The following NBPF11 variants were observed in gnomAD, a reference collection of about 807,000 sequenced individuals.
The protein encoded by NBPF11 is NBPF member 11.
In NBPF11, 72 loss-of-function variants were observed where a neutral mutation model predicts 93.9. The ratio of observed to expected loss-of-function variants is 0.77; its 90% CI spans 0.63 to 0.93. The LOEUF (loss-of-function observed/expected upper bound fraction) is 0.93. NBPF11 is among the 40% of genes least tolerant of loss of function. The pLI is 0.00. For synonymous variants in NBPF11, 224 were observed against 304.9 expected (o/e 0.73, Z 2.76); for missense variants, 705 against 802.2 (o/e 0.88, Z 1.46).
intron 4 of NBPF11, among the ~76,000 whole-genome samples, chr1:148,130,936 T>A (rs1252638769): frequency 1.2e-4 from 18 of 151,950 alleles, no homozygotes; most frequent in Admixed American, 9.2e-4. Flanking sequence ...AATTTTAAAA[T>A]CCATCTGTAA....
intron 4 of NBPF11, among the ~76,000 whole-genome samples, chr1:148,134,684 C>T (rs1418480160): frequency 4.6e-5 from 7 of 151,410 alleles, no homozygotes; most frequent in Non-Finnish European, 4.4e-5. Context: ...TATAAAGGGC[C>T]AGTTTATTTC....
rs1353000836 is a variant in NBPF11, at chr1:148,116,209, T to C, written c.1380-211A>G. Among the ~76,000 whole-genome samples the C allele has an allele frequency of 3.7e-3, 562 of 152,072 alleles. 8 individuals carry two copies. The highest frequency in any genetic ancestry group is 0.013 in the African/African-American group (536 of 41,342). ...CCAGAGAGGAAGAGAGCAGCTGCTGTTCATTGCACTGGACAGATAGGAGCT... is the reference window on the plus strand; with the variant it reads ...CCAGAGAGGAAGAGAGCAGCTGCTGCTCATTGCACTGGACAGATAGGAGCT... On this transcript the variant is annotated intron_variant, in intron 13 of 23. Transcript: ENST00000682118.
At chr1:148,122,836 A>T in intron 7 of NBPF11, 35 bp from the exon 8 acceptor site, 1 of 1,609,274 alleles carries the variant, frequency 6.2e-7, no homozygotes, top group East Asian at 2.2e-5. Context: ...GATATTTCCC[A>T]CTTCACATTC....
rs1209700840 is a variant in NBPF11 at position 148,103,705 on chromosome 1, G to A, written c.*191C>T. ...ATATGACTCCCATCTGGAAGACCAG[G>A]TGGAGACTTCTCACCGTCAAAGTAA... On this transcript the variant is annotated 3_prime_UTR_variant, in exon 24 of 24. Coordinates refer to ENST00000682118, the MANE Select transcript of NBPF11 (RefSeq NM_001385469.3). 12 of 1,611,228 alleles carry A rather than the reference G, an allele frequency of 7.4e-6. No homozygotes were observed. In the African/African-American group the frequency reaches 9.4e-5, roughly 13 times the overall value.
Position 148,103,916 on chromosome 1 carries a change from G to A in NBPF11, c.2582-4C>T, listed in dbSNP as rs1369015857. On this transcript the variant is annotated splice_region_variant and splice_polypyrimidine_tract_variant and intron_variant, in intron 23 of 23. Coordinates refer to ENST00000682118, the MANE Select transcript of NBPF11 (RefSeq NM_001385469.3). ...TTCCATCAGCACGCTGCTGAGCCTG[G>A]AAAAGGAGACAAAACTAAAGAAGCA... The A allele has an allele frequency of 3.2e-4, 508 of 1,610,852 alleles. 9 individuals carry two copies. Among genetic ancestry groups the A allele is most frequent in the Middle Eastern group, 1.1e-3 (5 of 4,430 alleles).
In NBPF11 at chr1:148,116,140, T is replaced by G. The variant is rs1197207279; in HGVS notation, c.1380-142A>C. 8.0e-5 allele frequency: 84 copies of G among 1,054,132 alleles called. No individual in the cohort carries two copies. In the East Asian group the frequency reaches 2.1e-3, roughly 26 times the overall value. 65.3% of individuals were successfully genotyped at this position (1,054,132 alleles called of 1,614,324 possible). ...TGGACGTTCCCATTAAGAGGGAACA[T>G]GCAATCCTGTTCTGTCTGCAACAGA... On this transcript the variant is annotated intron_variant, in intron 13 of 23. Coordinates refer to ENST00000682118, the MANE Select transcript of NBPF11 (RefSeq NM_001385469.3).
In NBPF11 at chr1:148,123,967, G is replaced by C. The variant is rs1668493257; in HGVS notation, c.379C>G (p.Leu127Val). ...TCATCCGGAGTGAGGAGGGCCTGGA[G>C]ATGCTCATTCAATGAGCGGGAGGCA... ...RDASRSLNEH[L>V]QALLTPDEPD... Residue 127 changes from leucine to valine, a missense_variant, in exon 7 of 24, where the codon CTC (leucine) becomes GTC (valine). Coordinates refer to ENST00000682118, the MANE Select transcript of NBPF11 (RefSeq NM_001385469.3). The C allele has an allele frequency of 1.3e-6, 2 of 1,548,004 alleles. No individual in the cohort carries two copies. The highest frequency in any genetic ancestry group is 1.7e-5 in the Admixed American group (1 of 59,928).
chr1:148,113,149 G>T (rs1185090810), intron 15 of NBPF11, among the ~76,000 whole-genome samples: 42 of 152,124 alleles, frequency 2.8e-4, no homozygotes, highest in Non-Finnish European at 4.6e-4. Flanking sequence ...GGGGCTAAAT[G>T]CCCCAGTTAA....
intron 7 of NBPF11, among the ~76,000 whole-genome samples, chr1:148,123,169 C>G (rs1553271977): frequency 1.3e-5 from 2 of 151,976 alleles, no homozygotes; most frequent in African/African-American, 4.8e-5. Context: ...CTCATTCATT[C>G]TCTTAGGAGA....
At chr1:148,114,360 C>A in intron 15 of NBPF11, 77 bp downstream of exon 15, 4 of 582,714 alleles carry the variant, frequency 6.9e-6, no homozygotes, top group Non-Finnish European at 1.2e-5. Flanking sequence ...TTCTATTCAT[C>A]ACTTCCTCAT....
chr1:148,146,679 C>T (rs1305624608), intron 1 of NBPF11: 4 of 1,611,710 alleles, frequency 2.5e-6, no homozygotes, highest in East Asian at 2.2e-5. Context: ...AGAGCGCCCG[C>T]GGCAACCGTG....
chr1:148,149,091 G>C (rs1348618168), intron 1 of NBPF11: 17 of 1,399,128 alleles, frequency 1.2e-5, no homozygotes, highest in Non-Finnish European at 1.2e-5. Flanking sequence ...GCTGGGCCCG[G>C]GGACGCCCGC....
chr1:148,133,635 A>G (rs1670797649), intron 4 of NBPF11, among the ~76,000 whole-genome samples: 1 of 151,958 alleles, frequency 6.6e-6, no homozygotes, highest in Non-Finnish European at 1.5e-5. Context: ...ATAAAATGAT[A>G]TTTTTTAAAT....
At chr1:148,120,227 T>C (rs1317952378) in intron 10 of NBPF11, among the ~76,000 whole-genome samples, 6 of 152,106 alleles carry the variant, frequency 3.9e-5, no homozygotes, top group Admixed American at 6.5e-5. Flanking sequence ...ATTGAGCCTC[T>C]TGGAGAAAAC....
chr1:148,145,885 G>GA (rs1215883177), intron 1 of NBPF11, among the ~76,000 whole-genome samples: 2 of 150,016 alleles, frequency 1.3e-5, no homozygotes, highest in Non-Finnish European at 3.0e-5. Context: ...GTCTCAAAAA[G>GA]AAAAAAAATT....
At chr1:148,120,412 T>C (rs1667554110) in intron 10 of NBPF11, 89 bp downstream of exon 10, 1 of 777,866 alleles carries the variant, frequency 1.3e-6, no homozygotes, top group South Asian at 1.4e-5. Context: ...GAGGATGACA[T>C]TATTTTTGAT....
chr1:148,149,236 G>C (rs1278278313), intron 1 of NBPF11: 1 of 1,577,850 alleles, frequency 6.3e-7, no homozygotes, highest in Admixed American at 1.7e-5. Context: ...ACCTGGCCTC[G>C]CGCTACGAGT....
At chr1:148,149,353 G>T in intron 1 of NBPF11, 5 of 1,597,024 alleles carry the variant, frequency 3.1e-6, no homozygotes. Context: ...TCGAGAAGGT[G>T]TCCAAGATCA....
At position 148,108,415 on chromosome 1, in the gene NBPF11, C is replaced by T. The variant is rs1664318102; in HGVS notation, c.2026+67G>A. The stretch of plus-strand genomic sequence containing the variant: ...CTCTCAGCTCAGTAAGGGCCACTTG[C>T]AGTAGGAATATGACCCTAAACAGAA... On this transcript the variant is annotated intron_variant, in intron 18 of 23. Transcript: ENST00000682118. The T allele has an allele frequency of 5.0e-6, 5 of 1,005,370 alleles. No individual in the cohort carries two copies. The East Asian group carries it at 7.6e-5, about 15-fold the overall frequency. The allele number at this position is 1,005,370 out of a possible 1,614,324, so 62.3% of individuals were successfully genotyped here.
Sources: allele counts gnomAD v4.1 joint callset (sites outside exome capture counted in the v4.1 genomes callset), GRCh38; gene constraint gnomAD v4.1.1; transcripts MANE v1.5; gene names NCBI Gene and HGNC (gene_info 2026-07-23, HGNC 2026-07-21).